Variants in CABIN1 observed in about 807,000 individuals in gnomAD.
The protein encoded by CABIN1 is calcineurin-binding protein cabin-1.
CABIN1 carries 133 observed loss-of-function variants against 227.7 expected under a neutral mutation model. The ratio of observed to expected loss-of-function variants is 0.58; its 90% CI spans 0.51 to 0.67. The LOEUF (loss-of-function observed/expected upper bound fraction) is 0.67. Ranked by LOEUF, CABIN1 falls within the 30% of genes least tolerant of loss-of-function variation. The pLI is 0.00. For synonymous variants in CABIN1, 1,086 were observed against 1,155.1 expected, an observed-to-expected ratio of 0.94 and a Z score of 1.21; for missense variants, 2,408 against 2,852.5, an observed-to-expected ratio of 0.84 and a Z score of 3.55.
chr22:24,169,514 C>T (rs1344323427), intron 33 of CABIN1, among the ~76,000 whole-genome samples: 1 of 152,164 alleles, frequency 6.6e-6, no homozygotes, highest in Non-Finnish European at 1.5e-5. Context: ...ACGAGGCATG[C>T]TGTGGGGAGT....
In CABIN1 at chr22:24,096,087, G is replaced by A; in HGVS notation, c.3938+5G>A. 1 of 1,614,054 alleles carries A rather than the reference G, an allele frequency of 6.2e-7. No homozygotes were observed. The highest frequency in any genetic ancestry group is 1.1e-5 in the South Asian group (1 of 91,072). On this transcript the variant is annotated splice_donor_5th_base_variant and intron_variant, in intron 25 of 36. Coordinates refer to ENST00000263119, the MANE Select transcript of CABIN1 (RefSeq NM_012295.4). ...CACACCCAAAGCTTCAGAAAAGTGA[G>A]TAGCACCCTTCAGGCGACCCCTAGC... is the stretch of plus-strand genomic sequence containing the variant.
intron 1 of CABIN1, among the ~76,000 whole-genome samples, chr22:24,018,080 C>T (rs2035434415): frequency 6.6e-6 from 1 of 151,966 alleles, no homozygotes; most frequent in Non-Finnish European, 1.5e-5. Context: ...GTTTTGAACT[C>T]CTGGCCTCAA....
At chr22:24,154,915 A>T (rs1198674471) in intron 29 of CABIN1, among the ~76,000 whole-genome samples, 1 of 152,164 alleles carries the variant, frequency 6.6e-6, no homozygotes, top group Non-Finnish European at 1.5e-5. Flanking sequence ...TGTCACCAGG[A>T]TAGGGGCTAA....
intron 1 of CABIN1, among the ~76,000 whole-genome samples, chr22:24,034,587 G>A (rs575602285): frequency 6.2e-4 from 95 of 152,192 alleles, no homozygotes; most frequent in Admixed American, 3.5e-3. Context: ...AAGTTTTGGC[G>A]TGGACATGTT....
intron 10 of CABIN1, among the ~76,000 whole-genome samples, chr22:24,056,957 G>C (rs2038845500): frequency 6.7e-6 from 1 of 149,950 alleles, no homozygotes; most frequent in Non-Finnish European, 1.5e-5. Flanking sequence ...TTTTTTTTGA[G>C]ACGGAGTCTT....
Position 24,167,006 on chromosome 22 carries a change from G to C in CABIN1, c.5375G>C (p.Ser1792Thr), listed in dbSNP as rs2046487587. 1 of 1,561,612 alleles carries C rather than the reference G, an allele frequency of 6.4e-7. No individual in the cohort carries two copies. Among genetic ancestry groups the C allele is most frequent in the South Asian group, 1.2e-5 (1 of 85,218 alleles). ...GRPARDRGPE[S>T]RPTELSLEEL... ...CCCGCAAGGGACCGGGGCCCCGAGA[G>C]CCGGCCCACTGAGCTGTCCCTGGAG... Residue 1792 changes from serine to threonine, a missense_variant, in exon 32 of 37, where the codon AGC becomes ACC. Ser to Thr is a moderately conservative substitution (Grantham distance 58). Around this residue, in one of 3 missense-constraint regions of CABIN1, gnomAD observed 714 missense variants for 773.8 expected, o/e 0.92. Coordinates refer to ENST00000263119, the MANE Select transcript of CABIN1 (RefSeq NM_012295.4).
chr22:24,045,183 C>A (rs906278996), intron 6 of CABIN1, among the ~76,000 whole-genome samples: 7 of 152,238 alleles, frequency 4.6e-5, no homozygotes, highest in Non-Finnish European at 8.8e-5. Flanking sequence ...CTTGGCCTCC[C>A]AAAGTGCTGG....
At chr22:24,163,864 G>T (rs1243299155) in intron 29 of CABIN1, among the ~76,000 whole-genome samples, 1 of 152,220 alleles carries the variant, frequency 6.6e-6, no homozygotes, top group Non-Finnish European at 1.5e-5. Flanking sequence ...AAAGAGGAGT[G>T]GGGTAGGATG....
Position 24,167,229 on chromosome 22 carries a change from G to A in CABIN1, c.5598G>A (p.Val1866=). ...CACTTCTGTTGGATGCCTACCGTGT[G>A]TGGCAGCAGGGCCAGAAGGGTGTGG... ...GKTLLLDAYR[V]WQQGQKGVAY... is the part of the protein sequence containing the mutation. The change falls in exon 32 of 37, where the codon GTG becomes GTA. Residue 1866 remains valine, a synonymous_variant. Transcript: ENST00000263119. 4 of 1,613,334 alleles carry A rather than the reference G, an allele frequency of 2.5e-6. No homozygotes were observed. The South Asian group carries it at 3.3e-5, about 13-fold the overall frequency.
intron 19 of CABIN1, among the ~76,000 whole-genome samples, chr22:24,080,335 C>T (rs778775264): frequency 6.6e-6 from 1 of 152,190 alleles, no homozygotes; most frequent in Non-Finnish European, 1.5e-5. Flanking sequence ...TCACGTACCT[C>T]TTAGTCTCTT....
At position 24,056,308 on chromosome 22, in the gene CABIN1, AAAG is replaced by A. The variant is rs756864399; in HGVS notation, c.1215_1217del (p.Glu406del). On this transcript the variant is annotated inframe_deletion, in exon 10 of 37. Coordinates refer to ENST00000263119, the MANE Select transcript of CABIN1 (RefSeq NM_012295.4). Reference sequence around the variant, plus strand: ...CCGTGTCCGAAACACCAAGTGCAAAAAAGAAGAGAAAGTAGACTTCCAGGAGCT... The same window carrying A: ...CCGTGTCCGAAACACCAAGTGCAAAAAAGAGAAAGTAGACTTCCAGGAGCT... 2 of 1,613,922 alleles carry A rather than the reference AAAG, an allele frequency of 1.2e-6. No homozygotes were observed. Among genetic ancestry groups the A allele is most frequent in the Non-Finnish European group, 8.5e-7 (1 of 1,179,904 alleles).
intron 18 of CABIN1, among the ~76,000 whole-genome samples, chr22:24,073,012 G>C (rs2040200586): frequency 6.6e-6 from 1 of 152,182 alleles, no homozygotes; most frequent in Non-Finnish European, 1.5e-5. Flanking sequence ...AGGTTATTCT[G>C]AGGATGAAAT....
At chr22:24,099,220 C>T (rs2042068767) in intron 26 of CABIN1, among the ~76,000 whole-genome samples, 1 of 152,248 alleles carries the variant, frequency 6.6e-6, no homozygotes, top group East Asian at 1.9e-4. Context: ...TGGGCATCTG[C>T]CTCCAACTTT....
chr22:24,012,379 A>G (rs1303222662), intron 1 of CABIN1, among the ~76,000 whole-genome samples: 1 of 152,196 alleles, frequency 6.6e-6, no homozygotes, highest in Non-Finnish European at 1.5e-5. Context: ...GGGCTGTACA[A>G]AAAGGGTGGG....
intron 28 of CABIN1, among the ~76,000 whole-genome samples, chr22:24,127,450 A>G (rs985459211): frequency 1.3e-5 from 2 of 152,186 alleles, no homozygotes; most frequent in African/African-American, 4.8e-5. Context: ...GGCAGCAGAG[A>G]TGGGAGGAGG....
Position 24,084,613 on chromosome 22 carries a change from T to A in CABIN1, c.2945T>A (p.Phe982Tyr). Residue 982 changes from phenylalanine (F) to tyrosine (Y), a missense_variant, in exon 21 of 37, where the codon TTT (phenylalanine) becomes TAT (tyrosine). Physicochemically the swap from Phe to Tyr is conservative, Grantham distance 22. Transcript: ENST00000263119. ...DLIWEDALFM[F>Y]EYFKPKTLPE... ...ATATGGGAGGATGCACTGTTCATGT[T>A]TGAGTATTTTAAGCCCAAGACCCTT... The A allele has an allele frequency of 6.2e-7, 1 of 1,614,068 alleles. No homozygotes were observed. Among genetic ancestry groups the A allele is most frequent in the Non-Finnish European group, 8.5e-7 (1 of 1,179,978 alleles).
In CABIN1 at chr22:24,113,575, A is replaced by G. The variant is rs2042921723; in HGVS notation, c.4127A>G (p.Gln1376Arg). 2 of 1,614,028 alleles carry G rather than the reference A, an allele frequency of 1.2e-6. No individual in the cohort carries two copies. Among genetic ancestry groups the G allele is most frequent in the African/African-American group, 2.7e-5 (2 of 74,918 alleles). The change falls in exon 27 of 37, where the codon CAG (glutamine) becomes CGG (arginine). Residue 1376 changes from glutamine (Q) to arginine (R), a missense_variant. Physicochemically the swap from Gln to Arg is conservative, Grantham distance 43. This residue lies in a region of CABIN1 where 649 missense variants were observed against 910.3 expected (regional missense o/e 0.71). Coordinates refer to ENST00000263119, the MANE Select transcript of CABIN1 (RefSeq NM_012295.4). ...CTCCTTCTCCCCTCAGACCGAAGCC[A>G]GGACAGCACAGCCGTAGCACTCTCA... The part of the protein sequence containing the change: ...HQQATPDDRS[Q>R]DSTAVALSDS...
chr22:24,028,389 G>A (rs973525651), intron 1 of CABIN1, among the ~76,000 whole-genome samples: 1 of 152,176 alleles, frequency 6.6e-6, no homozygotes, highest in Admixed American at 6.5e-5. Flanking sequence ...TCCTCGTATG[G>A]GAGTGCTACA....
rs2040448710 is a variant in CABIN1, at chr22:24,076,412, G to A, written c.2748+128G>A. The stretch of plus-strand genomic sequence containing the variant: ...TTGGCCTTCCCTCAGTGGGCCCACT[G>A]TGTGTCTTTGACTTACTGCATTTCT... On this transcript the variant is annotated intron_variant, in intron 19 of 36. Transcript: ENST00000263119. The A allele has an allele frequency of 4.2e-5, 31 of 735,250 alleles. 1 individual carries two copies. In the East Asian group the frequency reaches 8.1e-4, roughly 19 times the overall value. 45.5% of individuals were successfully genotyped at this position (735,250 alleles called of 1,614,324 possible).
Sources: gnomAD v4.1 joint callset for allele counts (sites outside exome capture counted in the v4.1 genomes callset) on GRCh38, gnomAD v4.1.1 for gene constraint, gnomAD v4.1.1 regional missense constraint, MANE v1.5 for transcripts, NCBI Gene and HGNC (gene_info 2026-07-23, HGNC 2026-07-21) for gene names.